ASXL1: variants seen among roughly 807,000 people sequenced by gnomAD.
The protein encoded by ASXL1 is ASXL transcriptional regulator 1, also known as polycomb group protein ASXL1.
A neutral mutation model predicts 89.1 loss-of-function variants in ASXL1; 65 were observed. The observed-to-expected ratio is 0.73, with a 90% confidence interval of 0.60 to 0.90. The LOEUF is 0.90. Among genes scored for constraint, ASXL1 ranks in the 40% least tolerant of loss-of-function variants. The pLI, the probability that ASXL1 is intolerant of heterozygous loss-of-function variation, is 0.00. For missense variants in ASXL1, 1,786 were observed against 1,942.9 expected (o/e 0.92, Z 1.52); for synonymous variants, 739 against 746.9 (o/e 0.99, Z 0.17).
chr20:32,436,293 C>T lies in ASXL1; in HGVS notation c.3581C>T (p.Thr1194Ile), dbSNP rs1266573048. 1.9e-6 allele frequency: 3 copies of T among 1,614,194 alleles called. No homozygotes were observed. In the South Asian group the frequency reaches 3.3e-5, roughly 18 times the overall value. Reference protein sequence around the residue: ...TGTGLARIEATQAPGAPQKNC... With the variant: ...TGTGLARIEAIQAPGAPQKNC... ...ACTGGTCTTGCCAGGATTGAGGCCA[C>T]CCAGGCTCCTGGAGCACCCCAAAAG... Residue 1194 changes from threonine (T) to isoleucine (I), a missense_variant, in exon 13 of 13, where the codon ACC (threonine) becomes ATC (isoleucine). Around this residue, in one of 3 missense-constraint regions of ASXL1, gnomAD observed 1,418 missense variants for 1,427.8 expected, o/e 0.99. Transcript: ENST00000375687.
At chr20:32,434,392 C>A (rs1417937680) in intron 12 of ASXL1, 40 bp from the exon 13 acceptor site, 2 of 1,611,182 alleles carry the variant, frequency 1.2e-6, no homozygotes, top group African/African-American at 1.3e-5. Context: ...GGTCAGATCA[C>A]CCAGTCAGTT....
In ASXL1 at chr20:32,429,338, G is replaced by C. The variant is rs1190521844; in HGVS notation, c.472G>C (p.Ala158Pro). ...PRDSYRASSQ[A>P]NKQKKKTGVM... ...TCTTTTGTTCTCTCTTGGAACGCAG[G>C]CGAACAAACAAAAGAAAAAGACTGG... Residue 158 changes from alanine to proline, a missense_variant and splice_region_variant, in exon 7 of 13, where the codon GCG becomes CCG. Physicochemically the swap from Ala to Pro is conservative, Grantham distance 27. Coordinates refer to ENST00000375687, the MANE Select transcript of ASXL1 (RefSeq NM_015338.6). This position sits in a 1 kb window ranked among gnomAD's most constrained non-coding sequence, Gnocchi z 4.9. 5.6e-6 allele frequency: 9 copies of C among 1,613,976 alleles called. No individual in the cohort carries two copies. Among genetic ancestry groups the C allele is most frequent in the Non-Finnish European group, 7.6e-6 (9 of 1,179,986 alleles).
intron 4 of ASXL1, among the ~76,000 whole-genome samples, chr20:32,398,603 G>GT (rs375341392): frequency 0.71 from 89,591 of 126,398 alleles, 33,091 homozygotes; most frequent in South Asian, 0.9. Flanking sequence ...TTTTTTGTTT[G>GT]TTTTTTTTTT....
intron 2 of ASXL1, 106 bp from the exon 3 acceptor site, chr20:32,367,621 G>A (rs1013334785): frequency 2.6e-6 from 2 of 764,182 alleles, no homozygotes; most frequent in African/African-American, 1.7e-5. Flanking sequence ...TATTTGACTT[G>A]TACTTATCCA....
chr20:32,387,322 A>G (rs1394342909), intron 4 of ASXL1, among the ~76,000 whole-genome samples: 3 of 152,148 alleles, frequency 2.0e-5, no homozygotes, highest in East Asian at 1.9e-4. Context: ...TATTATGTAT[A>G]TAATATCCAG....
intron 6 of ASXL1, chr20:32,428,699 C>T (rs1037207583): frequency 1.5e-5 from 5 of 334,306 alleles, no homozygotes; most frequent in African/African-American, 2.7e-5. Context: ...TCGCGCCTGT[C>T]GCTCAGGCTG....
In ASXL1 at chr20:32,431,350, A is replaced by G. The variant is rs1478523808; in HGVS notation, c.748A>G (p.Ile250Val). 5 of 1,614,190 alleles carry G rather than the reference A, an allele frequency of 3.1e-6. No homozygotes were observed. The highest frequency in any genetic ancestry group is 1.1e-5 in the South Asian group (1 of 91,088). The part of the protein sequence containing the change: ...GQMKRNRGEE[I>V]DFETPGSILV... ...AATGAAGCGCAACAGAGGGGAAGAA[A>G]TAGATTTTGAGACACCTGGGTCCAT... Residue 250 changes from isoleucine (I) to valine (V), a missense_variant, in exon 9 of 13, where the codon ATA (isoleucine) becomes GTA (valine). By Grantham distance (29) the Ile-to-Val change is conservative. Around this residue, in one of 3 missense-constraint regions of ASXL1, gnomAD observed 332 missense variants for 449.7 expected, o/e 0.74. Transcript: ENST00000375687.
chr20:32,435,249 G>T lies in ASXL1; in HGVS notation c.2537G>T (p.Ser846Ile), dbSNP rs148575778. ...TMKDPVNVTP[S>I]STPESSPTDC... ...AAGGATCCTGTAAATGTGACCCCCA[G>T]TTCCACACCTGAATCCTCACCGACT... Residue 846 changes from serine (S) to isoleucine (I), a missense_variant, in exon 13 of 13, where the codon AGT becomes ATT. By Grantham distance (142) the Ser-to-Ile change is moderately radical. Coordinates refer to ENST00000375687, the MANE Select transcript of ASXL1 (RefSeq NM_015338.6). 2.5e-6 allele frequency: 4 copies of T among 1,613,984 alleles called. No individual in the cohort carries two copies. Among genetic ancestry groups the T allele is most frequent in the African/African-American group, 1.3e-5 (1 of 74,914 alleles).
chr20:32,388,084 C>T (rs957081922), intron 4 of ASXL1, among the ~76,000 whole-genome samples: 17 of 152,120 alleles, frequency 1.1e-4, no homozygotes, highest in African/African-American at 4.1e-4. Context: ...TTTAAGCCAC[C>T]TTCATCTCTT....
rs748703262 is a variant in ASXL1, at chr20:32,386,787, C to G, written c.252+17664C>G. On this transcript the variant is annotated intron_variant, in intron 4 of 12. Coordinates refer to ENST00000375687, the MANE Select transcript of ASXL1 (RefSeq NM_015338.6). ...GATCTTTTGTGTATGACCTCTCTCT[C>G]TCTTTTTTTTTTTTTTTTGCTACCT... Among the ~76,000 whole-genome samples the G allele has an allele frequency of 7.3e-3, 338 of 45,988 alleles. 3 individuals carry two copies. The South Asian group carries it at 0.14, about 19-fold the overall frequency. 30.2% of individuals were successfully genotyped at this position (45,988 alleles called of 152,430 possible).
chr20:32,426,270 T>C (rs561126994), intron 4 of ASXL1, among the ~76,000 whole-genome samples: 8 of 152,274 alleles, frequency 5.3e-5, no homozygotes, highest in African/African-American at 1.9e-4. Context: ...TTTATGCCAT[T>C]TTTACTTTCA....
chr20:32,359,737 C>G (rs757830631), intron 1 of ASXL1: 5 of 718,012 alleles, frequency 7.0e-6, no homozygotes, highest in South Asian at 3.0e-5. Context: ...GAAGCCGTCT[C>G]GTTCAACCGA....
intron 1 of ASXL1, among the ~76,000 whole-genome samples, chr20:32,363,673 TG>T (rs1244909667): frequency 3.3e-5 from 5 of 152,204 alleles, no homozygotes; most frequent in Non-Finnish European, 5.9e-5. Flanking sequence ...TACCTCTGCC[TG>T]GCAGAGATCA....
intron 4 of ASXL1, among the ~76,000 whole-genome samples, chr20:32,409,850 T>A (rs989772869): frequency 6.6e-6 from 1 of 152,240 alleles, no homozygotes; most frequent in Admixed American, 6.5e-5. Flanking sequence ...CTTGATCACA[T>A]GGTACATTTG....
chr20:32,399,864 C>T (rs991721450), intron 4 of ASXL1, among the ~76,000 whole-genome samples: 4 of 144,760 alleles, frequency 2.8e-5, no homozygotes, highest in Non-Finnish European at 4.5e-5. Context: ...TGGTTTCAAG[C>T]GATCCTCCCA....
At position 32,376,335 on chromosome 20, in the gene ASXL1, C is replaced by T. The variant is rs181532102; in HGVS notation, c.252+7212C>T. On this transcript the variant is annotated intron_variant, in intron 4 of 12. Transcript: ENST00000375687. ...TATCACCCAGGCTGGAGTGCAGTGG[C>T]GCAATCTCGGCTCACTGTAACCTCT... is the stretch of plus-strand genomic sequence containing the variant. 5.0e-3 allele frequency among the ~76,000 whole-genome samples: 756 copies of T among 151,926 alleles called. 7 individuals carry two copies. The highest frequency in any genetic ancestry group is 0.018 in the African/African-American group (733 of 41,424).
chr20:32,405,757 G>T (rs1176586982), intron 4 of ASXL1, among the ~76,000 whole-genome samples: 2 of 152,092 alleles, frequency 1.3e-5, no homozygotes, highest in Non-Finnish European at 2.9e-5. Context: ...ATCTTTGTCA[G>T]GTATAGCAGA....
chr20:32,401,542 G>T (rs6058676), intron 4 of ASXL1, among the ~76,000 whole-genome samples: 16 of 40,126 alleles, frequency 4.0e-4, no homozygotes, highest in Middle Eastern at 0.013. Context: ...GTGTGTGTGT[G>T]TGTTTTTTCC....
intron 4 of ASXL1, among the ~76,000 whole-genome samples, chr20:32,408,188 C>T (rs913788112): frequency 2.0e-5 from 3 of 152,112 alleles, no homozygotes; most frequent in African/African-American, 4.8e-5. Context: ...CCGCTTCAGC[C>T]TCCCAAAGTT....
Sources: allele counts gnomAD v4.1 joint callset (sites outside exome capture counted in the v4.1 genomes callset), GRCh38; gene constraint gnomAD v4.1.1; regional missense constraint gnomAD v4.1.1; non-coding constraint Gnocchi (gnomAD v3.1); transcripts MANE v1.5; gene names NCBI Gene and HGNC (gene_info 2026-07-23, HGNC 2026-07-21).